Variants in PTP4A2 observed in about 807,000 individuals in gnomAD.
PTP4A2 encodes the protein protein tyrosine phosphatase 4A2.
Under a neutral mutation model 22.9 loss-of-function variants are expected in PTP4A2, and 2 were observed. That is an observed-to-expected ratio of 0.09 (90% CI 0.04 to 0.27). The LOEUF (loss-of-function observed/expected upper bound fraction) is 0.27. Ranked by LOEUF, PTP4A2 falls within the 10% of genes least tolerant of loss-of-function variation. The pLI is 1.00. For missense variants in PTP4A2, 103 were observed against 205.1 expected (o/e 0.50, Z 3.04); for synonymous variants, 68 against 69.1 (o/e 0.98, Z 0.08).
At chr1:31,937,289 A>G (rs986411996) in intron 1 of PTP4A2, among the ~76,000 whole-genome samples, 13 of 152,162 alleles carry the variant, frequency 8.5e-5, no homozygotes, top group African/African-American at 2.7e-4. Context: ...AAAATCCCAG[A>G]GCCAGAAGAT....
intron 1 of PTP4A2, among the ~76,000 whole-genome samples, chr1:31,925,144 A>C (rs942846979): frequency 1.3e-5 from 2 of 152,196 alleles, no homozygotes; most frequent in African/African-American, 4.8e-5. Flanking sequence ...ACAGGACTGA[A>C]GGCTGGAGGT....
At chr1:31,914,782 T>C (rs1375880302) in intron 3 of PTP4A2, among the ~76,000 whole-genome samples, 1 of 152,232 alleles carries the variant, frequency 6.6e-6, no homozygotes, top group Non-Finnish European at 1.5e-5. Context: ...ATGCTCCCAT[T>C]TGCTATAAGG....
At chr1:31,910,469 A>C in intron 4 of PTP4A2, 1 of 176,054 alleles carries the variant, frequency 5.7e-6, no homozygotes, top group Non-Finnish European at 1.2e-5. Context: ...TTTGATTTTT[A>C]ATAGTTAGTA....
chr1:31,913,606 A>T (rs1651661389), intron 3 of PTP4A2, among the ~76,000 whole-genome samples: 2 of 151,754 alleles, frequency 1.3e-5, no homozygotes, highest in South Asian at 4.2e-4. Context: ...GATTACGGCC[A>T]TTCTTACAGG....
chr1:31,916,345 CAAAAAAAA>C (rs1167002913), intron 2 of PTP4A2, among the ~76,000 whole-genome samples: 2,184 of 35,384 alleles, frequency 0.062, 36 homozygotes, highest in Non-Finnish European at 0.11. Flanking sequence ...ACTCCGTCTC[CAAAAAAAA>C]AAAAAAAAAA....
At position 31,922,581 on chromosome 1, in the gene PTP4A2, GGTTT is replaced by G. The variant is rs1281132222; in HGVS notation, c.-593-2927_-593-2924del. On this transcript the variant is annotated intron_variant, in intron 1 of 5. Coordinates refer to ENST00000647444, the MANE Select transcript of PTP4A2 (RefSeq NM_080391.4). ...GTAGCAGCTTAAGAACAAAAACCCA[GGTTT>G]GTTTCTTTCTTTCTTTCTTTCTTTC... Among the ~76,000 whole-genome samples, 397 of 145,814 alleles carry G rather than the reference GGTTT, an allele frequency of 2.7e-3. 2 individuals carry two copies. The highest frequency in any genetic ancestry group is 8.3e-3 in the African/African-American group (328 of 39,692).
intron 1 of PTP4A2, among the ~76,000 whole-genome samples, chr1:31,933,389 C>G (rs684475): frequency 0.058 from 8,842 of 151,890 alleles, 474 homozygotes; most frequent in South Asian, 0.23. Flanking sequence ...TACTTTAAGC[C>G]CCTAAAAGGA....
intron 4 of PTP4A2, chr1:31,910,314 G>A: frequency 2.1e-6 from 1 of 478,094 alleles, no homozygotes; most frequent in South Asian, 2.7e-5. Flanking sequence ...CAGGGGACAG[G>A]GTCTCGCTCT....
chr1:31,912,174 G>GT lies in PTP4A2; in HGVS notation c.190-349dup, dbSNP rs140693654. 4.5e-3 allele frequency among the ~76,000 whole-genome samples: 681 copies of GT among 152,280 alleles called. 4 individuals are homozygous for GT. The highest frequency in any genetic ancestry group is 0.016 in the African/African-American group (645 of 41,548). ...AAACTGTAATTAAAGCCAAGACAAA[G>GT]TAACAGAGGACACAGCACATGTCAA... On this transcript the variant is annotated intron_variant, in intron 3 of 5. Transcript: ENST00000647444.
intron 3 of PTP4A2, among the ~76,000 whole-genome samples, chr1:31,912,138 C>T (rs923075827): frequency 1.3e-5 from 2 of 152,138 alleles, no homozygotes; most frequent in Admixed American, 6.6e-5. Flanking sequence ...AGTAATTAGA[C>T]ATAATAGACA....
At chr1:31,920,126 C>CAA (rs772173962) in intron 1 of PTP4A2, among the ~76,000 whole-genome samples, 5,902 of 43,018 alleles carry the variant, frequency 0.14, 479 homozygotes, top group East Asian at 0.36. Context: ...AACTCTGCCT[C>CAA]AAAAAAAAAA....
chr1:31,934,584 T>G (rs1652856120), intron 1 of PTP4A2, among the ~76,000 whole-genome samples: 1 of 152,246 alleles, frequency 6.6e-6, no homozygotes. Flanking sequence ...ACTTTGTGTC[T>G]GAAAATTGTA....
At chr1:31,922,622 CTTTCTTTCTTTCT>C (rs1307611569) in intron 1 of PTP4A2, among the ~76,000 whole-genome samples, 24 of 111,020 alleles carry the variant, frequency 2.2e-4, no homozygotes, top group African/African-American at 1.2e-3. Context: ...TTCTTTCTTT[CTTTCTTTCTTTCT>C]TTTATTTATT....
At chr1:31,920,091 A>T (rs1652060389) in intron 1 of PTP4A2, among the ~76,000 whole-genome samples, 1 of 131,524 alleles carries the variant, frequency 7.6e-6, no homozygotes. Context: ...GCACCATTGC[A>T]CTCCAGCCTG....
intron 2 of PTP4A2, among the ~76,000 whole-genome samples, chr1:31,917,004 T>C (rs1344508456): frequency 1.3e-5 from 2 of 152,326 alleles, no homozygotes; most frequent in Non-Finnish European, 2.9e-5. Flanking sequence ...GCTAATGCAG[T>C]TATAGCCAGA....
chr1:31,908,084 C>A lies in PTP4A2; in HGVS notation c.*768G>T. ...GAAGAAACTAACATGAACACCCTTT[C>A]ATCAGTAAAGACTAAAAACCACCTG... On this transcript the variant is annotated 3_prime_UTR_variant, in exon 6 of 6. Coordinates refer to ENST00000647444, the MANE Select transcript of PTP4A2 (RefSeq NM_080391.4). 1 of 109,032 alleles carries A rather than the reference C, an allele frequency of 9.2e-6. No homozygotes were observed. The allele number at this position is 109,032 out of a possible 1,614,324, so 6.8% of individuals were successfully genotyped here.
chr1:31,923,570 G>A (rs1213232219), intron 1 of PTP4A2, among the ~76,000 whole-genome samples: 5 of 151,512 alleles, frequency 3.3e-5, no homozygotes, highest in South Asian at 2.1e-4. Flanking sequence ...TCCTGACCTC[G>A]TGATCCGCCC....
chr1:31,917,092 C>CT (rs1651886974), intron 2 of PTP4A2, among the ~76,000 whole-genome samples: 1 of 152,208 alleles, frequency 6.6e-6, no homozygotes, highest in South Asian at 2.1e-4. Flanking sequence ...CTACCAATAT[C>CT]TTTTTTATAG....
intron 2 of PTP4A2, 22 bp from the exon 3 acceptor site, chr1:31,916,009 T>A: frequency 2.2e-5 from 31 of 1,397,028 alleles, no homozygotes; most frequent in Non-Finnish European, 2.9e-5. Flanking sequence ...AAAAAAATTA[T>A]AATGGAACTT....
Sources: gnomAD v4.1 joint callset for allele counts (sites outside exome capture counted in the v4.1 genomes callset) on GRCh38, gnomAD v4.1.1 for gene constraint, MANE v1.5 for transcripts, NCBI Gene and HGNC (gene_info 2026-07-23, HGNC 2026-07-21) for gene names.